WSB2: variants seen among roughly 807,000 people sequenced by gnomAD.
WSB2 encodes WD repeat and SOCS box containing 2, also known as WD repeat and SOCS box-containing protein 2.
A neutral mutation model predicts 48.8 loss-of-function variants in WSB2; 12 were observed. The observed-to-expected ratio is 0.25, with a 90% CI of 0.16 to 0.40. The LOEUF (loss-of-function observed/expected upper bound fraction) is 0.40. Among genes scored for constraint, WSB2 ranks in the 10% least tolerant of loss-of-function variants. The pLI is 1.00. For synonymous variants in WSB2, 191 were observed against 203.1 expected, an observed-to-expected ratio of 0.94 and a Z score of 0.51; for missense variants, 317 against 506.2, an observed-to-expected ratio of 0.63 and a Z score of 3.59.
chr12:118,054,907 G>A lies in WSB2; in HGVS notation c.14-2429C>T, dbSNP rs111518457. Among the ~76,000 whole-genome samples, 517 of 150,648 alleles carry A rather than the reference G, an allele frequency of 3.4e-3. 10 individuals carry two copies. Among genetic ancestry groups the A allele is most frequent in the African/African-American group, 0.012 (474 of 41,182 alleles). Reference sequence around the variant, plus strand: ...AATGTATTAGGTCTAGGCCAGGCACGGTGGCTCACGCCTATAATCCTAGCA... The same window carrying A: ...AATGTATTAGGTCTAGGCCAGGCACAGTGGCTCACGCCTATAATCCTAGCA... On this transcript the variant is annotated intron_variant, in intron 1 of 8. Transcript: ENST00000315436.
intron 2 of WSB2, among the ~76,000 whole-genome samples, chr12:118,047,310 A>G (rs2031764260): frequency 6.6e-6 from 1 of 152,188 alleles, no homozygotes; most frequent in South Asian, 2.1e-4. Flanking sequence ...TTGCTAATGA[A>G]TCAAGGGATG....
At chr12:118,052,225 C>G (rs1428638238) in intron 2 of WSB2, 85 bp downstream of exon 2, 1 of 1,527,900 alleles carries the variant, frequency 6.5e-7, no homozygotes, top group African/African-American at 1.4e-5. Flanking sequence ...CCTTCCCTCT[C>G]TCTGGTTCTT....
upstream of WSB2, among the ~76,000 whole-genome samples, chr12:118,061,830 G>A (rs928120962): frequency 1.3e-5 from 2 of 148,278 alleles, no homozygotes; most frequent in African/African-American, 5.0e-5. Context: ...AACCTGGGGA[G>A]AGCTGGGCTT....
At chr12:118,034,539 AT>A in intron 8 of WSB2, 181 bp from the exon 9 acceptor site, 1 of 682,200 alleles carries the variant, frequency 1.5e-6, no homozygotes, top group Non-Finnish European at 2.3e-6. Context: ...TGCTGATAGG[AT>A]TAGAAAAACT....
rs559337598 is a variant in WSB2 at position 118,049,488 on chromosome 12, G to A, written c.182+2822C>T. ...GCGATCTCAGCTCACTGCAACCTCC[G>A]CCTCCCAGGTTCACGCGATTCTCCT... On this transcript the variant is annotated intron_variant, in intron 2 of 8. Coordinates refer to ENST00000315436, the MANE Select transcript of WSB2 (RefSeq NM_018639.5). 3.3e-5 allele frequency among the ~76,000 whole-genome samples: 5 copies of A among 151,516 alleles called. No homozygotes were observed. The South Asian group carries it at 1.0e-3, about 32-fold the overall frequency.
intron 5 of WSB2, among the ~76,000 whole-genome samples, chr12:118,036,857 T>C (rs981644897): frequency 6.6e-5 from 10 of 152,212 alleles, no homozygotes; most frequent in Non-Finnish European, 1.5e-4. Flanking sequence ...GATGAAGACC[T>C]GAGCCAAGTG....
At chr12:118,061,688 GA>G (rs1323854358), upstream of WSB2, among the ~76,000 whole-genome samples, 1 of 146,762 alleles carries the variant, frequency 6.8e-6, no homozygotes. Flanking sequence ...GGGGTAAGGG[GA>G]ACCAAAGGGG....
chr12:118,041,718 C>T (rs1430134161), intron 4 of WSB2, among the ~76,000 whole-genome samples: 1 of 150,118 alleles, frequency 6.7e-6, no homozygotes, highest in Admixed American at 6.6e-5. Context: ...TGAAAGATGG[C>T]ATTGCAATAA....
chr12:118,040,160 G>T (rs931394954), intron 4 of WSB2, among the ~76,000 whole-genome samples: 3 of 152,022 alleles, frequency 2.0e-5, no homozygotes, highest in Admixed American at 2.0e-4. Context: ...GCAACACAGT[G>T]AGACTCTGTC....
In WSB2 at chr12:118,060,365, A is replaced by G. The variant is rs1478428103; in HGVS notation, c.13+671T>C. ...GGTCCCCACCCATCAGTGTATCCTA[A>G]ATTTGCCTGATCATACATGTCACCA... On this transcript the variant is annotated intron_variant, in intron 1 of 8. Transcript: ENST00000315436. The surrounding 1 kb of genome is among the most constrained non-coding windows in gnomAD (Gnocchi z 4.1). Among the ~76,000 whole-genome samples, 2 of 152,000 alleles carry G rather than the reference A, an allele frequency of 1.3e-5. No homozygotes were observed. The highest frequency in any genetic ancestry group is 2.9e-5 in the Non-Finnish European group (2 of 67,982).
intron 2 of WSB2, among the ~76,000 whole-genome samples, chr12:118,046,216 T>C (rs2031742355): frequency 6.6e-6 from 1 of 152,022 alleles, no homozygotes; most frequent in Non-Finnish European, 1.5e-5. Context: ...ATCCCAGCAC[T>C]TTGGGAGGCT....
chr12:118,052,049 T>C (rs577657678), intron 2 of WSB2, among the ~76,000 whole-genome samples: 1 of 152,290 alleles, frequency 6.6e-6, no homozygotes, highest in East Asian at 1.9e-4. Context: ...GCCACTGTAT[T>C]GTATACTTAA....
rs2031556739 is a variant in WSB2, at chr12:118,038,270, A to G, written c.660+18T>C. ...CTCCATGTCTCAGTGAATTAAAGCA[A>G]TAACGCTGGAGACTCACCGACTTCT... On this transcript the variant is annotated intron_variant, in intron 5 of 8. Coordinates refer to ENST00000315436, the MANE Select transcript of WSB2 (RefSeq NM_018639.5). 4 of 1,607,972 alleles carry G rather than the reference A, an allele frequency of 2.5e-6. No homozygotes were observed. Among genetic ancestry groups the G allele is most frequent in the Non-Finnish European group, 3.4e-6 (4 of 1,177,460 alleles).
rs536056943 is a variant in WSB2 at position 118,058,987 on chromosome 12, C to T, written c.13+2049G>A. Reference sequence around the variant, plus strand: ...CTGAGATTACAGACGTGAGCCACCCCGGCGCATTTGGTTGATATTTTCTTG... The same window carrying T: ...CTGAGATTACAGACGTGAGCCACCCTGGCGCATTTGGTTGATATTTTCTTG... On this transcript the variant is annotated intron_variant, in intron 1 of 8. Coordinates refer to ENST00000315436, the MANE Select transcript of WSB2 (RefSeq NM_018639.5). Among the ~76,000 whole-genome samples the T allele has an allele frequency of 6.6e-5, 10 of 152,226 alleles. No homozygotes were observed. The South Asian group carries it at 1.5e-3, about 22-fold the overall frequency.
In WSB2 at chr12:118,061,115, G is replaced by T. The variant is rs1356705311; in HGVS notation, c.-67C>A. Reference sequence around the variant, plus strand: ...AGCCCCCCGGGCCGCGGGCCCTCATGCCGCCCCCGCGCCGCCCGCCCCGGC... The same window carrying T: ...AGCCCCCCGGGCCGCGGGCCCTCATTCCGCCCCCGCGCCGCCCGCCCCGGC... On this transcript the variant is annotated 5_prime_UTR_variant, in exon 1 of 9. Coordinates refer to ENST00000315436, the MANE Select transcript of WSB2 (RefSeq NM_018639.5). The T allele has an allele frequency of 1.6e-5, 16 of 979,902 alleles. No homozygotes were observed. Among genetic ancestry groups the T allele is most frequent in the African/African-American group, 1.1e-4 (6 of 56,346 alleles). 60.7% of individuals were successfully genotyped at this position (979,902 alleles called of 1,614,324 possible).
At chr12:118,059,355 C>T (rs944431005) in intron 1 of WSB2, among the ~76,000 whole-genome samples, 2 of 151,966 alleles carry the variant, frequency 1.3e-5, no homozygotes, top group African/African-American at 2.4e-5. Context: ...AAATTACATA[C>T]GTGGCTCACA....
At chr12:118,057,567 G>C (rs1021647075) in intron 1 of WSB2, among the ~76,000 whole-genome samples, 1 of 151,990 alleles carries the variant, frequency 6.6e-6, no homozygotes, top group African/African-American at 2.4e-5. Context: ...GAGTCACCGC[G>C]TCCAGCCTCT....
Position 118,038,279 on chromosome 12 carries a change from G to T in WSB2, c.660+9C>A. On this transcript the variant is annotated intron_variant, in intron 5 of 8. Coordinates refer to ENST00000315436, the MANE Select transcript of WSB2 (RefSeq NM_018639.5). ...TCAGTGAATTAAAGCAATAACGCTGGAGACTCACCGACTTCTCTCCAGCTG... is the reference window on the plus strand; with the variant it reads ...TCAGTGAATTAAAGCAATAACGCTGTAGACTCACCGACTTCTCTCCAGCTG... The T allele has an allele frequency of 6.2e-7, 1 of 1,611,984 alleles. No homozygotes were observed. The highest frequency in any genetic ancestry group is 1.1e-5 in the South Asian group (1 of 90,774).
At chr12:118,061,443 C>T (rs2032064855), upstream of WSB2, among the ~76,000 whole-genome samples, 1 of 149,668 alleles carries the variant, frequency 6.7e-6, no homozygotes, top group Non-Finnish European at 1.5e-5. Context: ...GGGATAAAAC[C>T]CAGGGGTTGT....
Sources: allele counts gnomAD v4.1 joint callset (sites outside exome capture counted in the v4.1 genomes callset), GRCh38; gene constraint gnomAD v4.1.1; non-coding constraint Gnocchi (gnomAD v3.1); transcripts MANE v1.5; gene names NCBI Gene and HGNC (gene_info 2026-07-23, HGNC 2026-07-21).